NRXN1: variants seen among roughly 807,000 people sequenced by gnomAD.
The protein encoded by NRXN1 is neurexin-1.
A neutral mutation model predicts 150.9 loss-of-function variants in NRXN1; 39 were observed. The ratio of observed to expected loss-of-function variants is 0.26; its 90% CI spans 0.20 to 0.34. The LOEUF is 0.34. Ranked by LOEUF, NRXN1 falls within the 10% of genes least tolerant of loss-of-function variation. NRXN1 has a pLI of 1.00. For missense variants in NRXN1, 1,815 were observed against 1,949.9 expected (o/e 0.93, Z 1.30); for synonymous variants, 924 against 757.0 (o/e 1.22, Z -3.62).
At chr2:50,456,958 A>T (rs911074356) in intron 17 of NRXN1, among the ~76,000 whole-genome samples, 4 of 152,170 alleles carry the variant, frequency 2.6e-5, no homozygotes, top group Admixed American at 2.0e-4. Context: ...GAATCTTAAC[A>T]GTTAATTTCC....
rs1322263760 is a variant in NRXN1 at position 50,346,551 on chromosome 2, G to C, written c.3365-109581C>G. ...TCTATTGTCTTCAAAGAGATAAGTG[G>C]CTCGCACCAAGCACACCCAAATGCA... On this transcript the variant is annotated intron_variant, in intron 17 of 22. Transcript: ENST00000401669. The surrounding 1 kb of genome is among the most constrained non-coding windows in gnomAD (Gnocchi z 5.0). 2.3e-6 allele frequency: 2 copies of C among 874,242 alleles called. No homozygotes were observed. Among genetic ancestry groups the C allele is most frequent in the Non-Finnish European group, 3.7e-6 (2 of 543,816 alleles). 54.2% of individuals were successfully genotyped at this position (874,242 alleles called of 1,614,324 possible).
intron 8 of NRXN1, among the ~76,000 whole-genome samples, chr2:50,579,766 T>A (rs924021627): frequency 2.6e-5 from 4 of 152,318 alleles, no homozygotes; most frequent in Non-Finnish European, 5.9e-5. Flanking sequence ...ATCCAGCTTT[T>A]TCATAAATAT....
intron 19 of NRXN1, among the ~76,000 whole-genome samples, chr2:50,081,338 G>T (rs568753203): frequency 5.9e-5 from 9 of 152,296 alleles, no homozygotes; most frequent in South Asian, 4.1e-4. Context: ...CAGCACTTTG[G>T]GGGGCTGAGG....
At chr2:50,926,209 T>C (rs1011867290) in intron 2 of NRXN1, among the ~76,000 whole-genome samples, 2 of 151,984 alleles carry the variant, frequency 1.3e-5, no homozygotes, top group Non-Finnish European at 2.9e-5. Flanking sequence ...AAAAAAATCT[T>C]TCAACTACCC....
intron 5 of NRXN1, among the ~76,000 whole-genome samples, chr2:50,838,904 AG>A (rs1377219732): frequency 2.0e-5 from 3 of 152,136 alleles, no homozygotes; most frequent in African/African-American, 7.2e-5. Context: ...AAACTAACAC[AG>A]GGACATTCCA....
chr2:50,070,048 C>T (rs1696006042), intron 19 of NRXN1, among the ~76,000 whole-genome samples: 1 of 151,896 alleles, frequency 6.6e-6, no homozygotes, highest in African/African-American at 2.4e-5. Context: ...GACGGGTTTT[C>T]ACCGTGTTAG....
At chr2:50,784,111 G>C (rs534604816) in intron 5 of NRXN1, among the ~76,000 whole-genome samples, 2 of 152,228 alleles carry the variant, frequency 1.3e-5, no homozygotes, top group South Asian at 4.2e-4. Flanking sequence ...GTGTGAATGT[G>C]TATGGGTGGG....
At chr2:50,756,579 T>G (rs954371036) in intron 5 of NRXN1, among the ~76,000 whole-genome samples, 5 of 151,848 alleles carry the variant, frequency 3.3e-5, no homozygotes, top group South Asian at 2.1e-4. Context: ...TTTTTTTGCA[T>G]AAACGTGTGC....
intron 5 of NRXN1, among the ~76,000 whole-genome samples, chr2:50,697,241 T>C (rs1247257728): frequency 6.6e-6 from 1 of 152,186 alleles, no homozygotes; most frequent in Non-Finnish European, 1.5e-5. Context: ...TAGTCTTCAT[T>C]TTGAATATAC....
At chr2:50,852,371 G>A (rs1050293656) in intron 5 of NRXN1, among the ~76,000 whole-genome samples, 1 of 152,134 alleles carries the variant, frequency 6.6e-6, no homozygotes, top group African/African-American at 2.4e-5. Flanking sequence ...GAATTTTGAG[G>A]AGCCTTGAAT....
rs532428960 is a variant in NRXN1, at chr2:50,241,355, T to C, written c.3365-4385A>G. Among the ~76,000 whole-genome samples, 5 of 151,952 alleles carry C rather than the reference T, an allele frequency of 3.3e-5. No homozygotes were observed. In the East Asian group the frequency reaches 9.7e-4, roughly 29 times the overall value. ...AAGTGAGTTAAATATGCAGTGGCAG[T>C]ACATCTTAATCACAGTTCCAATATA... is the stretch of plus-strand genomic sequence containing the variant. On this transcript the variant is annotated intron_variant, in intron 17 of 22. Transcript: ENST00000401669.
At chr2:50,068,098 G>C (rs1257922140) in intron 19 of NRXN1, among the ~76,000 whole-genome samples, 4 of 152,130 alleles carry the variant, frequency 2.6e-5, no homozygotes, top group Non-Finnish European at 5.9e-5. Context: ...AGAAAAGTCT[G>C]ATTATTATGA....
chr2:50,399,965 C>T lies in NRXN1; in HGVS notation c.3364+65477G>A, dbSNP rs535930512. Reference sequence around the variant, plus strand: ...ATAATGTTGCTTGATAGATGGGAGTCCAGGAAAGAATTGTGGTTAGGAGAC... The same window carrying T: ...ATAATGTTGCTTGATAGATGGGAGTTCAGGAAAGAATTGTGGTTAGGAGAC... On this transcript the variant is annotated intron_variant, in intron 17 of 22. Coordinates refer to ENST00000401669, the MANE Select transcript of NRXN1 (RefSeq NM_001330078.2). 6.6e-5 allele frequency among the ~76,000 whole-genome samples: 10 copies of T among 151,014 alleles called. No individual in the cohort carries two copies. In the South Asian group the frequency reaches 2.1e-3, roughly 32 times the overall value.
At chr2:50,569,108 T>C (rs765373886) in intron 8 of NRXN1, among the ~76,000 whole-genome samples, 4 of 151,908 alleles carry the variant, frequency 2.6e-5, no homozygotes, top group South Asian at 2.1e-4. Context: ...ATTGAATTCA[T>C]AGAGACTAAA....
intron 16 of NRXN1, among the ~76,000 whole-genome samples, chr2:50,471,519 G>C (rs2089464261): frequency 1.3e-5 from 2 of 151,800 alleles, no homozygotes; most frequent in Non-Finnish European, 2.9e-5. Context: ...TGGGCACTTA[G>C]GTAGATTCCA....
intron 8 of NRXN1, among the ~76,000 whole-genome samples, chr2:50,599,441 T>C (rs1335839322): frequency 6.6e-6 from 1 of 152,198 alleles, no homozygotes; most frequent in Non-Finnish European, 1.5e-5. Context: ...TCAACTATTT[T>C]AGAAGAAAAT....
chr2:50,219,936 TTATATATTATATATATAATA>T (rs1431461105), intron 18 of NRXN1, among the ~76,000 whole-genome samples: 6 of 93,780 alleles, frequency 6.4e-5, no homozygotes, highest in Admixed American at 5.1e-4. Flanking sequence ...ATTATATATA[TTATATATTATATATATAATA>T]TATATATTAT....
intron 2 of NRXN1, among the ~76,000 whole-genome samples, chr2:50,934,548 T>C (rs906239341): frequency 6.6e-6 from 1 of 152,186 alleles, no homozygotes; most frequent in Non-Finnish European, 1.5e-5. Flanking sequence ...AATAGCCACA[T>C]GTAGCCACTG....
chr2:50,564,734 T>C (rs1276150457), intron 8 of NRXN1, among the ~76,000 whole-genome samples: 2 of 152,182 alleles, frequency 1.3e-5, no homozygotes, highest in African/African-American at 4.8e-5. Flanking sequence ...CTAAAAAGTA[T>C]AGAGACCCCA....
Sources: gnomAD v4.1 joint callset for allele counts (sites outside exome capture counted in the v4.1 genomes callset) on GRCh38, gnomAD v4.1.1 for gene constraint, Gnocchi (gnomAD v3.1) non-coding constraint, MANE v1.5 for transcripts, NCBI Gene and HGNC (gene_info 2026-07-23, HGNC 2026-07-21) for gene names.